The following NAA16 variants were observed in gnomAD, a reference collection of about 807,000 sequenced individuals.
The protein encoded by NAA16 is NARG1-like protein.
Under a neutral mutation model 110.3 loss-of-function variants are expected in NAA16, and 97 were observed. The ratio of observed to expected loss-of-function variants is 0.88; its 90% CI spans 0.75 to 1.04. The LOEUF (loss-of-function observed/expected upper bound fraction) is 1.04. NAA16 is among the 50% of genes least tolerant of loss of function. NAA16 has a pLI of 0.00. For synonymous variants in NAA16, 372 were observed against 330.6 expected (o/e 1.13, Z -1.36); for missense variants, 1,017 against 1,005.1 (o/e 1.01, Z -0.16).
chr13:41,312,477 C>T (rs1305352488), intron 1 of NAA16, among the ~76,000 whole-genome samples: 1 of 151,996 alleles, frequency 6.6e-6, no homozygotes, highest in South Asian at 2.1e-4. Context: ...CTTTGCTTTC[C>T]TCAGTATCCT....
intron 15 of NAA16, among the ~76,000 whole-genome samples, chr13:41,370,849 G>A (rs1378589957): frequency 2.6e-5 from 4 of 152,140 alleles, no homozygotes; most frequent in Non-Finnish European, 5.9e-5. Flanking sequence ...GATTTTCAAC[G>A]CTGTGGAAGA....
In NAA16 at chr13:41,375,514, C is replaced by T. The variant is rs1172232207; in HGVS notation, c.2507C>T (p.Ala836Val). 1.9e-6 allele frequency: 3 copies of T among 1,614,040 alleles called. No homozygotes were observed. The highest frequency in any genetic ancestry group is 1.7e-5 in the Admixed American group (1 of 60,024). Residue 836 changes from alanine (A) to valine (V), a missense_variant, in exon 20 of 20, where the codon GCC becomes GTC. Transcript: ENST00000379406. ...CATAACCTGCTTCCTTTTACATCTGCCTTCTTGCCTGCTGTGAATGAAGTC... is the reference window on the plus strand; with the variant it reads ...CATAACCTGCTTCCTTTTACATCTGTCTTCTTGCCTGCTGTGAATGAAGTC... ...ACHNLLPFTS[A>V]FLPAVNEVDN...
intron 9 of NAA16, among the ~76,000 whole-genome samples, chr13:41,345,663 A>G (rs545805112): frequency 2.4e-4 from 36 of 152,102 alleles, no homozygotes; most frequent in Non-Finnish European, 3.5e-4. Context: ...CCTCACTGCA[A>G]CCTTGACCTC....
At position 41,311,576 on chromosome 13, in the gene NAA16, C is replaced by T; in HGVS notation, c.48C>T (p.Arg16=). Residue 16 remains arginine, a synonymous_variant, in exon 1 of 20, where the codon CGC becomes CGT. Transcript: ENST00000379406. ...CCAAGGAGAGCAACCTCTTCAAACG[C>T]ATCTTGGTGAGTGGCCGTAGGCCGC... ...LPPKESNLFK[R]ILKCYEQKQY... The T allele has an allele frequency of 6.2e-7, 1 of 1,608,028 alleles. No individual in the cohort carries two copies. The highest frequency in any genetic ancestry group is 8.5e-7 in the Non-Finnish European group (1 of 1,177,578).
At chr13:41,370,620 G>A (rs1252773504) in intron 15 of NAA16, among the ~76,000 whole-genome samples, 4 of 152,170 alleles carry the variant, frequency 2.6e-5, no homozygotes, top group African/African-American at 9.7e-5. Context: ...TCCATGCTTT[G>A]TCTCTGAAGT....
chr13:41,350,332 C>T (rs2042795809), intron 9 of NAA16, among the ~76,000 whole-genome samples: 1 of 151,180 alleles, frequency 6.6e-6, no homozygotes, highest in African/African-American at 2.4e-5. Context: ...CTCGCTCTGT[C>T]CCCCAGGCTG....
chr13:41,367,847 GT>G (rs2043238045), intron 14 of NAA16, among the ~76,000 whole-genome samples, 195 bp downstream of exon 14: 1 of 152,184 alleles, frequency 6.6e-6, no homozygotes, highest in Admixed American at 6.5e-5. Flanking sequence ...GTAGCTGATG[GT>G]TCTAAATTAC....
intron 2 of NAA16, among the ~76,000 whole-genome samples, chr13:41,318,457 C>T (rs1424145309): frequency 6.6e-6 from 1 of 152,168 alleles, no homozygotes; most frequent in African/African-American, 2.4e-5. Flanking sequence ...CCGCCTCAGC[C>T]TCCCTGAGTG....
In NAA16 at chr13:41,336,750, A is replaced by T. The variant is rs775944896; in HGVS notation, c.1008A>T (p.Thr336=). The T allele has an allele frequency of 1.9e-6, 3 of 1,574,870 alleles. No homozygotes were observed. The South Asian group carries it at 3.5e-5, about 18-fold the overall frequency. The change falls in exon 9 of 20, where the codon ACA becomes ACT. Residue 336 remains threonine, a synonymous_variant. Coordinates refer to ENST00000379406, the MANE Select transcript of NAA16 (RefSeq NM_024561.5). The part of the protein sequence containing the change: ...FTTLKSLYYN[T]EKVSIIQELV... ...CTTTGAAATCTTTATATTACAATAC[A>T]GAAAAGGTAAAATTTGGTATTTATT...
chr13:41,363,204 A>G (rs1467644876), intron 13 of NAA16, among the ~76,000 whole-genome samples: 1 of 152,102 alleles, frequency 6.6e-6, no homozygotes, highest in African/African-American at 2.4e-5. Flanking sequence ...TGTTTCCTTC[A>G]TAAAACCACA....
Position 41,329,530 on chromosome 13 carries a change from TTTTAAA to T in NAA16, c.811+694_811+699del, listed in dbSNP as rs1384464447. 1.8e-4 allele frequency among the ~76,000 whole-genome samples: 27 copies of T among 151,734 alleles called. No individual in the cohort carries two copies. The South Asian group carries it at 5.4e-3, about 30-fold the overall frequency. ...AATTTTTTTTTTTTTTTTTTAGAAT[TTTTAAA>T]TTTAAAAAGTTTGGTAAATAGGTAG... is the stretch of plus-strand genomic sequence containing the variant. On this transcript the variant is annotated intron_variant, in intron 7 of 19. Transcript: ENST00000379406.
At chr13:41,353,762 G>A (rs986790382) in intron 9 of NAA16, among the ~76,000 whole-genome samples, 34 of 98,830 alleles carry the variant, frequency 3.4e-4, no homozygotes, top group African/African-American at 1.4e-3. Context: ...GGGCGACCCT[G>A]TCTCTTACAC....
At chr13:41,360,098 A>G (rs960060552) in intron 12 of NAA16, among the ~76,000 whole-genome samples, 3 of 152,210 alleles carry the variant, frequency 2.0e-5, no homozygotes, top group Admixed American at 6.5e-5. Context: ...AGGAATAAAC[A>G]TAAAACCAAT....
chr13:41,374,957 A>G (rs991494036), intron 19 of NAA16, 118 bp downstream of exon 19: 18 of 647,164 alleles, frequency 2.8e-5, no homozygotes, highest in East Asian at 1.6e-4. Flanking sequence ...TCCCAGCTCT[A>G]TCAATTATGA....
Position 41,362,055 on chromosome 13 carries a change from C to G in NAA16, c.1435C>G (p.Leu479Val). The change falls in exon 13 of 20, where the codon CTA becomes GTA. Residue 479 changes from leucine (L) to valine (V), a missense_variant. Leu to Val is a conservative substitution (Grantham distance 32). Coordinates refer to ENST00000379406, the MANE Select transcript of NAA16 (RefSeq NM_024561.5). The stretch of plus-strand genomic sequence containing the variant: ...GGAAGGAACATCTGCCATGGAAAAT[C>G]TAAATGAAATGCAGTGTATGTGGTT... ...TREGTSAMENLNEMQCMWFQT... is the reference protein window; with the variant it reads ...TREGTSAMENVNEMQCMWFQT... The G allele has an allele frequency of 6.2e-7, 1 of 1,611,654 alleles. No individual in the cohort carries two copies. Among genetic ancestry groups the G allele is most frequent in the Non-Finnish European group, 8.5e-7 (1 of 1,179,016 alleles).
Position 41,372,281 on chromosome 13 carries a change from C to T in NAA16, c.2026C>T (p.Leu676=), listed in dbSNP as rs748437714. Residue 676 remains leucine (L), a synonymous_variant, in exon 16 of 20, where the codon CTG becomes TTG. Coordinates refer to ENST00000379406, the MANE Select transcript of NAA16 (RefSeq NM_024561.5). ...TGTTGCTGATAACATTGACACTCAT[C>T]TGTTAGCATTTGAAATATATTTTAG... ...NLVADNIDTH[L]LAFEIYFRKG... is the part of the protein sequence containing the mutation. The T allele has an allele frequency of 6.3e-7, 1 of 1,597,132 alleles. No individual in the cohort carries two copies. The highest frequency in any genetic ancestry group is 8.5e-7 in the Non-Finnish European group (1 of 1,172,976).
chr13:41,315,958 T>C (rs552120201), intron 1 of NAA16, among the ~76,000 whole-genome samples: 1 of 152,118 alleles, frequency 6.6e-6, no homozygotes, highest in Non-Finnish European at 1.5e-5. Flanking sequence ...TTTGTAGAGA[T>C]GAGATCTTGC....
rs770101752 is a variant in NAA16, at chr13:41,331,338, A to C, written c.876A>C (p.Thr292=). The C allele has an allele frequency of 6.2e-7, 1 of 1,609,238 alleles. No homozygotes were observed. Among genetic ancestry groups the C allele is most frequent in the Non-Finnish European group, 8.5e-7 (1 of 1,177,088 alleles). The change falls in exon 8 of 20, where the codon ACA becomes ACC. Residue 292 remains threonine (T), a synonymous_variant. Transcript: ENST00000379406. The part of the protein sequence containing the change: ...EISKQHPKAI[T]PRRLPLTLVP... ...GTAAGCAGCACCCCAAAGCAATTAC[A>C]CCCAGAAGATTACCTTTGACTCTTG...
chr13:41,325,507 A>C (rs555464633), intron 5 of NAA16, among the ~76,000 whole-genome samples, 191 bp from the exon 6 acceptor site: 1 of 152,256 alleles, frequency 6.6e-6, no homozygotes, highest in Non-Finnish European at 1.5e-5. Context: ...AATAGACAGA[A>C]GTCCCACCCT....
Sources: gnomAD v4.1 joint callset for allele counts (sites outside exome capture counted in the v4.1 genomes callset) on GRCh38, gnomAD v4.1.1 for gene constraint, MANE v1.5 for transcripts, NCBI Gene and HGNC (gene_info 2026-07-23, HGNC 2026-07-21) for gene names.